Variants in SLC16A5 observed in about 807,000 individuals in gnomAD.
SLC16A5 encodes monocarboxylate transporter 6.
Under a neutral mutation model 33.2 loss-of-function variants are expected in SLC16A5, and 29 were observed. The ratio of observed to expected loss-of-function variants is 0.87; its 90% CI spans 0.65 to 1.19. The LOEUF is 1.19. Among genes scored for constraint, SLC16A5 ranks in the 50% most tolerant of loss-of-function variants. The pLI, the probability that SLC16A5 is intolerant of heterozygous loss-of-function variation, is 0.00. For missense variants in SLC16A5, 606 were observed against 678.2 expected (o/e 0.89, Z 1.18); for synonymous variants, 248 against 284.1 (o/e 0.87, Z 1.28).
intron 3 of SLC16A5, among the ~76,000 whole-genome samples, chr17:75,095,419 ATC>A (rs2073704424): frequency 6.6e-6 from 1 of 152,150 alleles, no homozygotes; most frequent in African/African-American, 2.4e-5. Flanking sequence ...CTGGCTGGCC[ATC>A]TCTCTCATGT....
chr17:75,089,095 T>TCTAC (rs1448792211), intron 1 of SLC16A5, 56 bp from the exon 2 acceptor site: 2 of 152,334 alleles, frequency 1.3e-5, no homozygotes, highest in Non-Finnish European at 2.9e-5. Context: ...TCTTGCCCTG[T>TCTAC]CTACCTCCTT....
At position 75,106,033 on chromosome 17, in the gene SLC16A5, A is replaced by T. The variant is rs1265927353; in HGVS notation, c.1518A>T (p.Ter506CysextTer12). Residue 506 changes from the stop codon to cysteine, a stop_lost, in exon 7 of 7, where the codon TGA becomes TGT. Coordinates refer to ENST00000329783, the MANE Select transcript of SLC16A5 (RefSeq NM_004695.4). ...QTALGWNSPT[*>C] Reference sequence around the variant, plus strand: ...CTCTGGGCTGGAATAGCCCTACCTGAGTGCCCTGTTTGACTCCGCCACTAT... The same window carrying T: ...CTCTGGGCTGGAATAGCCCTACCTGTGTGCCCTGTTTGACTCCGCCACTAT... The T allele has an allele frequency of 6.6e-7, 1 of 1,504,656 alleles. No individual in the cohort carries two copies. The highest frequency in any genetic ancestry group is 9.1e-7 in the Non-Finnish European group (1 of 1,100,272). The allele number at this position is 1,504,656 out of a possible 1,614,324, so 93.2% of individuals were successfully genotyped here.
chr17:75,108,517 G>A (rs926915686), downstream of SLC16A5, among the ~76,000 whole-genome samples: 53 of 152,250 alleles, frequency 3.5e-4, no homozygotes, highest in African/African-American at 1.2e-3. Context: ...GGAGTGTGAC[G>A]GCCACTCTGC....
chr17:75,090,503 C>T (rs1196304820), intron 2 of SLC16A5, among the ~76,000 whole-genome samples: 2 of 149,644 alleles, frequency 1.3e-5, no homozygotes, highest in African/African-American at 5.0e-5. Flanking sequence ...CTCTGTTGCC[C>T]AGGCTGGAGT....
intron 2 of SLC16A5, chr17:75,093,160 G>C: frequency 1.9e-6 from 1 of 517,066 alleles, no homozygotes; most frequent in Non-Finnish European, 3.5e-6. Flanking sequence ...TGGGCAGGAG[G>C]GTGTATCCTT....
At chr17:75,099,424 T>G (rs1321449322) in intron 4 of SLC16A5, among the ~76,000 whole-genome samples, 2 of 152,076 alleles carry the variant, frequency 1.3e-5, no homozygotes, top group Non-Finnish European at 2.9e-5. Context: ...ATTTGGGGTT[T>G]GTTTGTTTTT....
chr17:75,102,800 T>C (rs2073816562), intron 5 of SLC16A5, among the ~76,000 whole-genome samples: 1 of 151,906 alleles, frequency 6.6e-6, no homozygotes, highest in Admixed American at 6.6e-5. Flanking sequence ...TGGTGTGATC[T>C]CAGCTCACTA....
At chr17:75,104,415 CTTT>C (rs577017676) in intron 6 of SLC16A5, 7,697 of 981,462 alleles carry the variant, frequency 7.8e-3, no homozygotes, top group South Asian at 0.017. Context: ...CTGAGAAACT[CTTT>C]TTTTTTTTTT....
intron 4 of SLC16A5, among the ~76,000 whole-genome samples, chr17:75,098,541 G>C (rs1187261073): frequency 6.6e-6 from 1 of 152,258 alleles, no homozygotes; most frequent in South Asian, 2.1e-4. Context: ...CTGGGCAACA[G>C]AGCAAGACCC....
intron 4 of SLC16A5, among the ~76,000 whole-genome samples, chr17:75,099,640 GT>G (rs1243776445): frequency 1.3e-5 from 2 of 152,186 alleles, no homozygotes; most frequent in Non-Finnish European, 2.9e-5. Context: ...TAGAGATGGG[GT>G]TTCACCATGT....
At chr17:75,092,406 G>A (rs999293801) in intron 2 of SLC16A5, among the ~76,000 whole-genome samples, 1 of 151,096 alleles carries the variant, frequency 6.6e-6, no homozygotes, top group Non-Finnish European at 1.5e-5. Context: ...CACTAGGCTG[G>A]AGTGCAGTGG....
intron 6 of SLC16A5, 35 bp downstream of exon 6, chr17:75,104,215 T>C (rs1284004545): frequency 6.2e-7 from 1 of 1,607,462 alleles, no homozygotes; most frequent in South Asian, 1.1e-5. Flanking sequence ...AGGGTTCATC[T>C]GTGTGACCAG....
downstream of SLC16A5, chr17:75,106,289 A>C: frequency 3.3e-6 from 1 of 298,968 alleles, no homozygotes; most frequent in East Asian, 5.9e-5. Context: ...TCAATACCAC[A>C]TGCTCTGAAG....
At position 75,099,991 on chromosome 17, in the gene SLC16A5, C is replaced by A. The variant is rs1308463263; in HGVS notation, c.344-16C>A. On this transcript the variant is annotated splice_polypyrimidine_tract_variant and intron_variant, in intron 4 of 6. Coordinates refer to ENST00000329783, the MANE Select transcript of SLC16A5 (RefSeq NM_004695.4). The stretch of plus-strand genomic sequence containing the variant: ...CCCAGTGCGCCTCCAGGCTGGTTTC[C>A]CCTCTTGCCCCGCAGGCCTGGGCAT... 1.3e-6 allele frequency: 2 copies of A among 1,598,570 alleles called. No homozygotes were observed. Among genetic ancestry groups the A allele is most frequent in the African/African-American group, 2.7e-5 (2 of 74,820 alleles).
downstream of SLC16A5, among the ~76,000 whole-genome samples, chr17:75,106,592 T>TAA (rs1381571531): frequency 1.2e-3 from 114 of 93,462 alleles, no homozygotes; most frequent in Middle Eastern, 7.5e-3. Context: ...GTCTTTTTTT[T>TAA]AAAAAAAAAA....
chr17:75,091,311 C>T (rs1377811429), intron 2 of SLC16A5, among the ~76,000 whole-genome samples: 1 of 152,232 alleles, frequency 6.6e-6, no homozygotes, highest in Non-Finnish European at 1.5e-5. Flanking sequence ...GCTGAGGGAA[C>T]AGAAATCTTG....
At chr17:75,088,768 C>A (rs1482640637) in intron 1 of SLC16A5, among the ~76,000 whole-genome samples, 3 of 152,234 alleles carry the variant, frequency 2.0e-5, no homozygotes, top group African/African-American at 7.2e-5. Flanking sequence ...GACACCAGGC[C>A]CCTAACACGA....
chr17:75,105,023 G>A (rs2073846287), intron 6 of SLC16A5: 1 of 985,318 alleles, frequency 1.0e-6, no homozygotes, highest in Non-Finnish European at 1.2e-6. Flanking sequence ...GGTTCCTCCT[G>A]CCCTGCTCTT....
At chr17:75,103,946 C>T (rs766292242) in intron 5 of SLC16A5, 24 bp from the exon 6 acceptor site, 1 of 1,609,468 alleles carries the variant, frequency 6.2e-7, no homozygotes, top group Non-Finnish European at 8.5e-7. Context: ...GTAGCACTGG[C>T]CTAACTTGAT....
Sources: gnomAD v4.1 joint callset for allele counts (sites outside exome capture counted in the v4.1 genomes callset) on GRCh38, gnomAD v4.1.1 for gene constraint, MANE v1.5 for transcripts, NCBI Gene and HGNC (gene_info 2026-07-23, HGNC 2026-07-21) for gene names.